The following KLB variants were observed in gnomAD, a reference collection of about 807,000 sequenced individuals.
KLB encodes beta-klotho.
A neutral mutation model predicts 88.4 loss-of-function variants in KLB; 44 were observed. That is an observed-to-expected ratio of 0.50 (90% CI 0.39 to 0.64). The LOEUF (loss-of-function observed/expected upper bound fraction) is 0.64. Among genes scored for constraint, KLB ranks in the 30% least tolerant of loss-of-function variants. The pLI, the probability that KLB is intolerant of heterozygous loss-of-function variation, is 0.00. For synonymous variants in KLB, 548 were observed against 513.4 expected (o/e 1.07, Z -0.91); for missense variants, 1,137 against 1,304.8 (o/e 0.87, Z 1.98).
intron 3 of KLB, among the ~76,000 whole-genome samples, chr4:39,443,758 CAAAAAA>C (rs56820388): frequency 1.8e-5 from 2 of 111,102 alleles, no homozygotes; most frequent in Non-Finnish European, 3.7e-5. Flanking sequence ...GAGACTTTGT[CAAAAAA>C]AAAAAAAAAA....
Position 39,411,239 on chromosome 4 carries a change from G to A in KLB, c.825+3465G>A, listed in dbSNP as rs143238479. The stretch of plus-strand genomic sequence containing the variant: ...AATTTTTTGTACTTTTAGTAGAGAC[G>A]GGGTTTCTCCATGTTGGTCAGGCTG... On this transcript the variant is annotated intron_variant, in intron 1 of 4. Transcript: ENST00000257408. Among the ~76,000 whole-genome samples the A allele has an allele frequency of 1.8e-3, 266 of 151,530 alleles. 1 individual carries two copies. Among genetic ancestry groups the A allele is most frequent in the African/African-American group, 6.3e-3 (259 of 41,262 alleles).
chr4:39,415,798 T>C (rs1467731628), intron 1 of KLB, among the ~76,000 whole-genome samples: 1 of 152,070 alleles, frequency 6.6e-6, no homozygotes, highest in African/African-American at 2.4e-5. Context: ...TCCTCATGGG[T>C]TCAAGAGATT....
intron 1 of KLB, chr4:39,412,055 C>T (rs1003128480): frequency 2.6e-5 from 4 of 151,802 alleles, no homozygotes; most frequent in African/African-American, 9.7e-5. Context: ...ACTTTGGAGA[C>T]TCAGAACAGG....
chr4:39,450,111 G>A lies in KLB; in HGVS notation c.*1425G>A, dbSNP rs1018823358. The A allele has an allele frequency of 2.0e-5, 3 of 152,174 alleles. No homozygotes were observed. Among genetic ancestry groups the A allele is most frequent in the African/African-American group, 7.2e-5 (3 of 41,446 alleles). The allele number at this position is 152,174 out of a possible 1,614,324, so 9.4% of individuals were successfully genotyped here. A position where few individuals can be genotyped will look rare whatever the true frequency, so the allele number is the denominator to read the frequency against. On this transcript the variant is annotated 3_prime_UTR_variant, in exon 5 of 5. Coordinates refer to ENST00000257408, the MANE Select transcript of KLB (RefSeq NM_175737.4). ...TTTTATATAGCACCCTTTTGGGCTA[G>A]GGTTAATTACTAGATCTGACTTGGA...
intron 2 of KLB, among the ~76,000 whole-genome samples, chr4:39,435,747 A>T (rs1477873180): frequency 6.6e-6 from 1 of 152,222 alleles, no homozygotes; most frequent in African/African-American, 2.4e-5. Context: ...CAATGTTGAC[A>T]GCACTTTTTT....
At position 39,448,707 on chromosome 4, in the gene KLB, GAC is replaced by G; in HGVS notation, c.*23_*24del. 1 of 1,586,792 alleles carries G rather than the reference GAC, an allele frequency of 6.3e-7. No individual in the cohort carries two copies. Among genetic ancestry groups the G allele is most frequent in the Non-Finnish European group, 8.5e-7 (1 of 1,171,278 alleles). ...GCTAAACTGATCTGTCTGCATGATA[GAC>G]AGTTTAAAAATTCATCCCAGTTCCA... On this transcript the variant is annotated 3_prime_UTR_variant, in exon 5 of 5. Coordinates refer to ENST00000257408, the MANE Select transcript of KLB (RefSeq NM_175737.4).
At chr4:39,424,161 C>T (rs571406621) in intron 1 of KLB, among the ~76,000 whole-genome samples, 19 of 151,854 alleles carry the variant, frequency 1.3e-4, no homozygotes, top group African/African-American at 4.4e-4. Context: ...CCTCAACCTC[C>T]GTGGGCTCAG....
At chr4:39,431,336 C>T (rs1273817135) in intron 1 of KLB, among the ~76,000 whole-genome samples, 1 of 152,146 alleles carries the variant, frequency 6.6e-6, no homozygotes, top group Non-Finnish European at 1.5e-5. Flanking sequence ...ACTGCAACCT[C>T]CGCCTCCTGG....
chr4:39,426,553 A>T (rs1743222135), intron 1 of KLB, among the ~76,000 whole-genome samples: 1 of 147,896 alleles, frequency 6.8e-6, no homozygotes, highest in African/African-American at 2.5e-5. Context: ...TAAAATAATG[A>T]TTGCAAAAGA....
intron 1 of KLB, among the ~76,000 whole-genome samples, chr4:39,419,261 A>G (rs942377892): frequency 3.1e-4 from 47 of 152,314 alleles, no homozygotes; most frequent in Middle Eastern, 3.4e-3. Flanking sequence ...CTCAGAGAAT[A>G]ATATTGCGAT....
intron 1 of KLB, among the ~76,000 whole-genome samples, chr4:39,424,701 G>T (rs932891484): frequency 6.8e-6 from 1 of 148,042 alleles, no homozygotes; most frequent in Non-Finnish European, 1.5e-5. Flanking sequence ...GCGCTATCTC[G>T]GCTCACTGCA....
chr4:39,447,377 A>G lies in KLB; in HGVS notation c.2651A>G (p.Asp884Gly). 1 of 1,613,694 alleles carries G rather than the reference A, an allele frequency of 6.2e-7. No homozygotes were observed. Among genetic ancestry groups the G allele is most frequent in the East Asian group, 2.2e-5 (1 of 44,888 alleles). The part of the protein sequence containing the change: ...RWVRRNYGDM[D>G]IYITASGIDD... ...GTCCGGAGGAACTACGGCGACATGG[A>G]CATTTACATCACCGCCAGTGGCATC... The change falls in exon 4 of 5, where the codon GAC becomes GGC. Residue 884 changes from aspartate to glycine, a missense_variant. By Grantham distance (94) the Asp-to-Gly change is moderately conservative. Around this residue, in one of 4 missense-constraint regions of KLB, gnomAD observed 426 missense variants for 404.6 expected, o/e 1.05. Coordinates refer to ENST00000257408, the MANE Select transcript of KLB (RefSeq NM_175737.4).
chr4:39,436,636 T>C (rs545431454), intron 2 of KLB, among the ~76,000 whole-genome samples: 1 of 152,254 alleles, frequency 6.6e-6, no homozygotes, highest in Admixed American at 6.5e-5. Context: ...TGAAATCTTT[T>C]AAGAAAGAAA....
At position 39,407,226 on chromosome 4, in the gene KLB, G is replaced by A. The variant is rs1742750256; in HGVS notation, c.277G>A (p.Ala93Thr). ...KNFFWGIGTG[A>T]LQVEGSWKKD... ...CTTTTTCTGGGGTATTGGGACTGGA[G>A]CATTGCAAGTGGAAGGGAGTTGGAA... Residue 93 changes from alanine to threonine, a missense_variant, in exon 1 of 5, where the codon GCA becomes ACA. This residue lies in a region of KLB where 111 missense variants were observed against 118.3 expected (regional missense o/e 0.94). Transcript: ENST00000257408. 2 of 1,614,042 alleles carry A rather than the reference G, an allele frequency of 1.2e-6. No individual in the cohort carries two copies. Among genetic ancestry groups the A allele is most frequent in the South Asian group, 1.1e-5 (1 of 91,088 alleles).
intron 3 of KLB, among the ~76,000 whole-genome samples, chr4:39,444,540 G>A (rs1385795845): frequency 6.6e-6 from 1 of 152,178 alleles, no homozygotes; most frequent in Non-Finnish European, 1.5e-5. Flanking sequence ...GGGAGCTGGG[G>A]TTGGGATTGG....
chr4:39,411,311 T>TTTTTGTTTTG (rs139890679), intron 1 of KLB, among the ~76,000 whole-genome samples: 28 of 141,946 alleles, frequency 2.0e-4, no homozygotes, highest in African/African-American at 7.2e-4. Context: ...ACTAAGGTTT[T>TTTTTGTTTTG]TTTTGTTTTG....
intron 2 of KLB, among the ~76,000 whole-genome samples, chr4:39,436,965 C>T (rs1239808867): frequency 6.6e-6 from 1 of 152,338 alleles, no homozygotes; most frequent in Admixed American, 6.5e-5. Flanking sequence ...CCACCTCAGC[C>T]TCCCAAAGTG....
chr4:39,422,897 G>C (rs1195023157), intron 1 of KLB, among the ~76,000 whole-genome samples: 1 of 151,910 alleles, frequency 6.6e-6, no homozygotes, highest in East Asian at 1.9e-4. Flanking sequence ...GAGTAGAGTA[G>C]CTGGGACTAC....
In KLB at chr4:39,437,819, G is replaced by C; in HGVS notation, c.1429G>C (p.Gly477Arg). Reference sequence around the variant, plus strand: ...GCAGGATGCTTACACCATCCGCCGAGGATTATTTTATGTGGATTTTAACAG... The same window carrying C: ...GCAGGATGCTTACACCATCCGCCGACGATTATTTTATGTGGATTTTAACAG... The part of the protein sequence containing the change: ...EWQDAYTIRR[G>R]LFYVDFNSKQ... The change falls in exon 3 of 5, where the codon GGA becomes CGA. Residue 477 changes from glycine (G) to arginine (R), a missense_variant. Physicochemically the swap from Gly to Arg is moderately radical, Grantham distance 125. Coordinates refer to ENST00000257408, the MANE Select transcript of KLB (RefSeq NM_175737.4). The C allele has an allele frequency of 1.9e-6, 3 of 1,614,094 alleles. No homozygotes were observed. Among genetic ancestry groups the C allele is most frequent in the Non-Finnish European group, 2.5e-6 (3 of 1,180,010 alleles).
Sources: allele counts gnomAD v4.1 joint callset (sites outside exome capture counted in the v4.1 genomes callset), GRCh38; gene constraint gnomAD v4.1.1; regional missense constraint gnomAD v4.1.1; transcripts MANE v1.5; gene names NCBI Gene and HGNC (gene_info 2026-07-23, HGNC 2026-07-21).